Variants in PLEKHG4 observed in about 807,000 individuals in gnomAD.
The protein encoded by PLEKHG4 is puratrophin-1.
PLEKHG4 carries 85 observed loss-of-function variants against 136.9 expected under a neutral mutation model. The observed-to-expected ratio is 0.62, with a 90% CI of 0.52 to 0.74. PLEKHG4 has a LOEUF of 0.74. Among genes scored for constraint, PLEKHG4 ranks in the 30% least tolerant of loss-of-function variants. The pLI is 0.00. For missense variants in PLEKHG4, 1,317 were observed against 1,527.8 expected (o/e 0.86, Z 2.30); for synonymous variants, 577 against 646.9 (o/e 0.89, Z 1.64).
chr16:67,281,548 G>A lies in PLEKHG4; in HGVS notation c.814-19G>A, dbSNP rs369577242. On this transcript the variant is annotated intron_variant, in intron 5 of 21. Coordinates refer to ENST00000379344, the MANE Select transcript of PLEKHG4 (RefSeq NM_001129729.3). ...TTTCTGTAGAGTTGGGGATAGTGCTGAGCTCAGGTTCCTTGCAGGAAGCAG... is the reference window on the plus strand; with the variant it reads ...TTTCTGTAGAGTTGGGGATAGTGCTAAGCTCAGGTTCCTTGCAGGAAGCAG... The A allele has an allele frequency of 1.2e-6, 2 of 1,607,942 alleles. No individual in the cohort carries two copies. Among genetic ancestry groups the A allele is most frequent in the South Asian group, 1.1e-5 (1 of 90,816 alleles).
At position 67,287,034 on chromosome 16, in the gene PLEKHG4, A is replaced by G. The variant is rs2036506204; in HGVS notation, c.2960A>G (p.Asn987Ser). Residue 987 changes from asparagine to serine, a missense_variant, in exon 18 of 22, where the codon AAC becomes AGC. Coordinates refer to ENST00000379344, the MANE Select transcript of PLEKHG4 (RefSeq NM_001129729.3). Reference protein sequence around the residue: ...ADLGLTECCGNSNLRFEIWFR... With the variant: ...ADLGLTECCGSSNLRFEIWFR... ...CTTGGTCTCACTGAGTGCTGTGGGAACAGCAACCTGCGCTTCGAGATCTGG... is the reference window on the plus strand; with the variant it reads ...CTTGGTCTCACTGAGTGCTGTGGGAGCAGCAACCTGCGCTTCGAGATCTGG... The G allele has an allele frequency of 6.2e-7, 1 of 1,613,498 alleles. No individual in the cohort carries two copies. The highest frequency in any genetic ancestry group is 1.3e-5 in the African/African-American group (1 of 75,070).
intron 14 of PLEKHG4, 138 bp from the exon 15 acceptor site, chr16:67,286,136 A>C: frequency 2.8e-6 from 2 of 719,574 alleles, no homozygotes; most frequent in South Asian, 1.4e-5. Context: ...AAAGCAGGGA[A>C]GACTGGGTCT....
chr16:67,284,920 GAC>G lies in PLEKHG4; in HGVS notation c.1903_1904del (p.Thr635LeufsTer9). 6.2e-7 allele frequency: 1 copy of G among 1,612,872 alleles called. No individual in the cohort carries two copies. The highest frequency in any genetic ancestry group is 2.2e-5 in the East Asian group (1 of 44,880). ...CCGCTGGGCCTGGGCGCGGTGCCAG[GAC>G]ACCTGGCTGGCCCTGGACCAAAAGC... ...ECRWAWARCQDTWLALDQKLE... is the reference protein window; with the variant it reads ...ECRWAWARCQXTWLALDQKLE... On this transcript the variant is annotated frameshift_variant, in exon 13 of 22. Transcript: ENST00000379344. LOFTEE classifies it high-confidence loss of function. This position sits in a 1 kb window ranked among gnomAD's most constrained non-coding sequence, Gnocchi z 4.4.
In PLEKHG4 at chr16:67,289,361, G is replaced by T. The variant is rs2036637484; in HGVS notation, c.*553G>T. ...GATGCCTTTTGAATAACTTTCAATA[G>T]AATTGTCTAAAATTATCTTACTGGT... is the stretch of plus-strand genomic sequence containing the variant. On this transcript the variant is annotated 3_prime_UTR_variant, in exon 22 of 22. Transcript: ENST00000379344. The T allele has an allele frequency of 4.0e-6, 2 of 502,706 alleles. No homozygotes were observed. Among genetic ancestry groups the T allele is most frequent in the South Asian group, 6.7e-5 (2 of 30,002 alleles). The allele number at this position is 502,706 out of a possible 1,614,324, so 31.1% of individuals were successfully genotyped here.
At chr16:67,281,701 C>G (rs1057405541) in intron 6 of PLEKHG4, 23 bp from the exon 7 acceptor site, 1 of 1,613,196 alleles carries the variant, frequency 6.2e-7, no homozygotes, top group African/African-American at 1.3e-5. Flanking sequence ...AGGCCTGGGT[C>G]ACAACACCTT....
chr16:67,282,920 C>A, intron 11 of PLEKHG4, 62 bp downstream of exon 11: 1 of 1,169,546 alleles, frequency 8.6e-7, no homozygotes. Flanking sequence ...ACTAGGAATG[C>A]AGAACTGTGT....
intron 4 of PLEKHG4, 28 bp downstream of exon 4, chr16:67,281,033 G>T: frequency 1.2e-6 from 2 of 1,614,080 alleles, no homozygotes; most frequent in East Asian, 2.2e-5. Flanking sequence ...GGGAGACTGA[G>T]CCTGAGCCAG....
chr16:67,282,177 A>G, intron 8 of PLEKHG4, 24 bp from the exon 9 acceptor site: 1 of 1,613,462 alleles, frequency 6.2e-7, no homozygotes, highest in Non-Finnish European at 8.5e-7. Context: ...GGCCACCTCC[A>G]CAGCTTATTG....
Position 67,282,096 on chromosome 16 carries a change from A to G in PLEKHG4, c.1093A>G (p.Met365Val), listed in dbSNP as rs1281758434. 9 of 1,613,236 alleles carry G rather than the reference A, an allele frequency of 5.6e-6. No individual in the cohort carries two copies. Among genetic ancestry groups the G allele is most frequent in the Non-Finnish European group, 7.6e-6 (9 of 1,179,750 alleles). The change falls in exon 8 of 22, where the codon ATG (methionine) becomes GTG (valine). Residue 365 changes from methionine (M) to valine (V), a missense_variant. Coordinates refer to ENST00000379344, the MANE Select transcript of PLEKHG4 (RefSeq NM_001129729.3). ...AAGTGTGAAGGCTGTGCCCCAGCCC[A>G]TGGAGCCTGGGGTGAGTGTCCCCTC... ...IESVKAVPQP[M>V]EPGEVGQLLQ...
At position 67,280,358 on chromosome 16, in the gene PLEKHG4, T is replaced by C; in HGVS notation, c.314T>C (p.Leu105Pro). 1.2e-6 allele frequency: 2 copies of C among 1,613,360 alleles called. No homozygotes were observed. The highest frequency in any genetic ancestry group is 1.7e-5 in the Admixed American group (1 of 60,004). The change falls in exon 2 of 22, where the codon CTC becomes CCC. Residue 105 changes from leucine (L) to proline (P), a missense_variant. Leu to Pro is a moderately conservative substitution (Grantham distance 98, BLOSUM62 -3). Coordinates refer to ENST00000379344, the MANE Select transcript of PLEKHG4 (RefSeq NM_001129729.3). The surrounding 1 kb of genome is among the most constrained non-coding windows in gnomAD (Gnocchi z 4.4). ...EGPGPSGVES[L>P]LCPMSSHLSL... The stretch of plus-strand genomic sequence containing the variant: ...CCAGGCCCCTCTGGAGTGGAGAGTC[T>C]CCTATGCCCCATGTCCTCCCACCTC...
In PLEKHG4 at chr16:67,282,502, G is replaced by T. The variant is rs749332080; in HGVS notation, c.1254-1G>T. ...GTCTAAGATGGTATACCCTACACCA[G>T]GACGGCAATGGACAAGGCTGACGAG... On this transcript the variant is annotated splice_acceptor_variant, in intron 9 of 21. Coordinates refer to ENST00000379344, the MANE Select transcript of PLEKHG4 (RefSeq NM_001129729.3). LOFTEE classifies it high-confidence loss of function. 14 of 1,613,994 alleles carry T rather than the reference G, an allele frequency of 8.7e-6. No homozygotes were observed. Among genetic ancestry groups the T allele is most frequent in the Admixed American group, 5.0e-5 (3 of 60,016 alleles).
intron 6 of PLEKHG4, 22 bp from the exon 7 acceptor site, chr16:67,281,702 A>C: frequency 6.2e-7 from 1 of 1,613,640 alleles, no homozygotes; most frequent in Non-Finnish European, 8.5e-7. Context: ...GGCCTGGGTC[A>C]CAACACCTTC....
At chr16:67,279,777 G>A in intron 1 of PLEKHG4, 99 bp from the exon 2 acceptor site, 1 of 457,962 alleles carries the variant, frequency 2.2e-6, no homozygotes, top group South Asian at 2.8e-5. Flanking sequence ...GCGTGGCCGT[G>A]AGGACGCTGA....
rs1389310858 is a variant in PLEKHG4, at chr16:67,287,076, C to T, written c.3002C>T (p.Ala1001Val). 6.2e-7 allele frequency: 1 copy of T among 1,613,226 alleles called. No individual in the cohort carries two copies. The highest frequency in any genetic ancestry group is 8.5e-7 in the Non-Finnish European group (1 of 1,180,038). ...RFEIWFRRRK[A>V]RDTFVLQASS... ...GAGATCTGGTTCCGCCGCCGCAAGG[C>T]CAGGGACACCTTTGTGCTGCAGGCC... The change falls in exon 18 of 22, where the codon GCC (alanine) becomes GTC (valine). Residue 1001 changes from alanine (A) to valine (V), a missense_variant. Physicochemically the swap from Ala to Val is moderately conservative, Grantham distance 64 (BLOSUM62 0). Coordinates refer to ENST00000379344, the MANE Select transcript of PLEKHG4 (RefSeq NM_001129729.3).
chr16:67,288,094 C>T, intron 19 of PLEKHG4, 73 bp from the exon 20 acceptor site: 1 of 1,535,746 alleles, frequency 6.5e-7, no homozygotes, highest in East Asian at 2.2e-5. Context: ...TTAGTGCTGG[C>T]CCGCACTTTC....
rs1356466624 is a variant in PLEKHG4 at position 67,280,665 on chromosome 16, CTG to C, written c.500-45_500-44del. On this transcript the variant is annotated intron_variant, in intron 2 of 21. Transcript: ENST00000379344. This position sits in a 1 kb window ranked among gnomAD's most constrained non-coding sequence, Gnocchi z 4.4. ...GAAGCCCGGGTCCAAGTAGGGGTCT[CTG>C]GATAGGTGGTCCAAGGCAGACCCAA... 6.2e-7 allele frequency: 1 copy of C among 1,613,360 alleles called. No individual in the cohort carries two copies. Among genetic ancestry groups the C allele is most frequent in the South Asian group, 1.1e-5 (1 of 91,070 alleles).
In PLEKHG4 at chr16:67,281,716, T is replaced by C. The variant is rs1257054186; in HGVS notation, c.892-8T>C. On this transcript the variant is annotated splice_polypyrimidine_tract_variant and splice_region_variant and intron_variant, in intron 6 of 21. Coordinates refer to ENST00000379344, the MANE Select transcript of PLEKHG4 (RefSeq NM_001129729.3). ...AGGCCTGGGTCACAACACCTTCTTC[T>C]CCTGTAGCTGGAGCAGTTGCCTTCT... The C allele has an allele frequency of 6.2e-7, 1 of 1,613,866 alleles. No individual in the cohort carries two copies. Among genetic ancestry groups the C allele is most frequent in the Admixed American group, 1.7e-5 (1 of 60,024 alleles).
chr16:67,287,903 C>G lies in PLEKHG4; in HGVS notation c.3109C>G (p.Arg1037Gly), dbSNP rs769238724. 1 of 1,607,340 alleles carries G rather than the reference C, an allele frequency of 6.2e-7. No homozygotes were observed. Among genetic ancestry groups the G allele is most frequent in the Admixed American group, 1.7e-5 (1 of 60,016 alleles). ...WRQAVHNKEV[R>G]MAEMVSMGVG... ...TATGTCCACTCTCCACCCAGAGGTG[C>G]GCATGGCTGAGATGGTGTCCATGGG... Residue 1037 changes from arginine to glycine, a missense_variant, in exon 19 of 22, where the codon CGC (arginine) becomes GGC (glycine). Physicochemically the swap from Arg to Gly is moderately radical, Grantham distance 125. Coordinates refer to ENST00000379344, the MANE Select transcript of PLEKHG4 (RefSeq NM_001129729.3).
In PLEKHG4 at chr16:67,285,194, C is replaced by G; in HGVS notation, c.2174C>G (p.Ser725Cys). ...CCTACTGTGCCTCCACCAGGCAGCT[C>G]TGACCCCAGGAGCCTCAACAGGTAT... is the stretch of plus-strand genomic sequence containing the variant. ...ASPTVPPPGS[S>C]DPRSLNRLQL... Residue 725 changes from serine to cysteine, a missense_variant, in exon 13 of 22, where the codon TCT becomes TGT. Coordinates refer to ENST00000379344, the MANE Select transcript of PLEKHG4 (RefSeq NM_001129729.3). The G allele has an allele frequency of 6.2e-7, 1 of 1,613,664 alleles. No individual in the cohort carries two copies. Among genetic ancestry groups the G allele is most frequent in the South Asian group, 1.1e-5 (1 of 91,084 alleles).
Sources: allele counts gnomAD v4.1 joint callset, GRCh38; gene constraint gnomAD v4.1.1; non-coding constraint Gnocchi (gnomAD v3.1); transcripts MANE v1.5; gene names NCBI Gene and HGNC (gene_info 2026-07-23, HGNC 2026-07-21).